The following ITPR1 variants were observed in gnomAD, a reference collection of about 807,000 sequenced individuals.
ITPR1 encodes the protein inositol 1,4,5-trisphosphate receptor type 1, also known as inositol 1,4,5-trisphosphate-gated calcium channel ITPR1.
A neutral mutation model predicts 318.4 loss-of-function variants in ITPR1; 96 were observed. The observed-to-expected ratio is 0.30, with a 90% CI of 0.26 to 0.36. The LOEUF is 0.36. Among genes scored for constraint, ITPR1 ranks in the 10% least tolerant of loss-of-function variants. The probability of loss-of-function intolerance (pLI) is 1.00; values close to 1 mark genes in which losing one functional copy is unlikely to be tolerated. For missense variants in ITPR1, 2,440 were observed against 3,460.2 expected, an observed-to-expected ratio of 0.71 and a Z score of 7.40; for synonymous variants, 1,312 against 1,289.9, an observed-to-expected ratio of 1.02 and a Z score of -0.37.
chr3:4,603,565 G>A (rs1463533155), intron 4 of ITPR1, among the ~76,000 whole-genome samples: 1 of 152,088 alleles, frequency 6.6e-6, no homozygotes, highest in Non-Finnish European at 1.5e-5. Flanking sequence ...GAGTAGCTGG[G>A]ACTACAGGGG....
In ITPR1 at chr3:4,813,253, A is replaced by G; in HGVS notation, c.7561+19A>G. 4 of 1,555,212 alleles carry G rather than the reference A, an allele frequency of 2.6e-6. No homozygotes were observed. Among genetic ancestry groups the G allele is most frequent in the Non-Finnish European group, 3.5e-6 (4 of 1,134,510 alleles). ...AGAGAAGGTAGGACCTCCTAACTGT[A>G]AGCCCCATGTTAATATCGGACTCCT... On this transcript the variant is annotated intron_variant, in intron 57 of 61. Coordinates refer to ENST00000649015, the MANE Select transcript of ITPR1 (RefSeq NM_001378452.1).
chr3:4,759,926 C>G (rs1259880050), intron 44 of ITPR1, among the ~76,000 whole-genome samples: 1 of 151,896 alleles, frequency 6.6e-6, no homozygotes, highest in Non-Finnish European at 1.5e-5. Flanking sequence ...CACTGCCTCA[C>G]CCTGCCCCTG....
chr3:4,565,145 A>G (rs2087097135), intron 4 of ITPR1, among the ~76,000 whole-genome samples: 1 of 152,136 alleles, frequency 6.6e-6, no homozygotes, highest in African/African-American at 2.4e-5. Context: ...CACCTTGTTG[A>G]TTCCTCATAA....
chr3:4,538,044 T>G (rs2084044980), intron 4 of ITPR1, among the ~76,000 whole-genome samples: 1 of 152,210 alleles, frequency 6.6e-6, no homozygotes, highest in Non-Finnish European at 1.5e-5. Flanking sequence ...TTGTTTTTAT[T>G]TTCTTCATTC....
At chr3:4,788,733 G>A (rs1015086167) in intron 52 of ITPR1, among the ~76,000 whole-genome samples, 1 of 152,194 alleles carries the variant, frequency 6.6e-6, no homozygotes, top group Admixed American at 6.5e-5. Flanking sequence ...TGTGTTCCTG[G>A]TTTTCACTGG....
chr3:4,763,458 G>A (rs6764292), intron 44 of ITPR1, among the ~76,000 whole-genome samples: 1 of 151,940 alleles, frequency 6.6e-6, no homozygotes, highest in Non-Finnish European at 1.5e-5. Flanking sequence ...TTGATACCAA[G>A]AGTAGTGTAA....
At chr3:4,800,801 A>G (rs2048179598) in intron 54 of ITPR1, among the ~76,000 whole-genome samples, 1 of 152,152 alleles carries the variant, frequency 6.6e-6, no homozygotes, top group Non-Finnish European at 1.5e-5. Flanking sequence ...GAGCCTTGTA[A>G]TGGATCCCTT....
chr3:4,692,381 T>G (rs985771629), intron 32 of ITPR1, among the ~76,000 whole-genome samples: 1 of 152,178 alleles, frequency 6.6e-6, no homozygotes, highest in African/African-American at 2.4e-5. Context: ...CTAGGCACAG[T>G]CCTAAGCAGT....
chr3:4,624,514 CA>C (rs2092753228), intron 4 of ITPR1, among the ~76,000 whole-genome samples: 1 of 151,746 alleles, frequency 6.6e-6, no homozygotes, highest in Admixed American at 6.6e-5. Context: ...ACTAAAAATA[CA>C]AAAATTAGCT....
chr3:4,703,207 C>T (rs899049270), intron 36 of ITPR1, among the ~76,000 whole-genome samples: 3 of 152,182 alleles, frequency 2.0e-5, no homozygotes, highest in Non-Finnish European at 2.9e-5. Flanking sequence ...GGTTGTTAGG[C>T]AATTCTTTGG....
intron 44 of ITPR1, among the ~76,000 whole-genome samples, chr3:4,743,855 G>A (rs2043881544): frequency 6.6e-6 from 1 of 152,212 alleles, no homozygotes; most frequent in African/African-American, 2.4e-5. Flanking sequence ...GTTTGTTTGA[G>A]ACGGAGTCTC....
At chr3:4,777,029 A>G (rs111521525) in intron 47 of ITPR1, among the ~76,000 whole-genome samples, 11 of 152,334 alleles carry the variant, frequency 7.2e-5, no homozygotes, top group African/African-American at 2.2e-4. Context: ...GACACAACCA[A>G]TTTATCAGTT....
intron 4 of ITPR1, among the ~76,000 whole-genome samples, chr3:4,533,556 A>G (rs1471822206): frequency 6.6e-6 from 1 of 152,232 alleles, no homozygotes; most frequent in African/African-American, 2.4e-5. Flanking sequence ...ATTGTGACTG[A>G]ATTTGCAATT....
intron 46 of ITPR1, among the ~76,000 whole-genome samples, chr3:4,770,043 A>G (rs1417178879): frequency 1.3e-5 from 2 of 152,124 alleles, no homozygotes; most frequent in Non-Finnish European, 2.9e-5. Context: ...CTGAACCTCT[A>G]TCTCCTTTGT....
At chr3:4,574,708 A>G (rs2088436415) in intron 4 of ITPR1, among the ~76,000 whole-genome samples, 1 of 152,178 alleles carries the variant, frequency 6.6e-6, no homozygotes, top group Non-Finnish European at 1.5e-5. Flanking sequence ...TCTACCTTAA[A>G]TGGTCTTCCA....
chr3:4,837,697 T>A (rs2051027675), intron 61 of ITPR1, among the ~76,000 whole-genome samples: 1 of 152,096 alleles, frequency 6.6e-6, no homozygotes, highest in African/African-American at 2.4e-5. Context: ...CCGTGCGTAC[T>A]CTGTTTCTGC....
intron 6 of ITPR1, among the ~76,000 whole-genome samples, chr3:4,641,421 A>G (rs1006733641): frequency 6.6e-6 from 1 of 152,200 alleles, no homozygotes; most frequent in African/African-American, 2.4e-5. Flanking sequence ...CTGTCACCCA[A>G]GCTGGAGTAC....
At chr3:4,642,013 T>C in intron 6 of ITPR1, 80 bp from the exon 7 acceptor site, 2 of 1,162,872 alleles carry the variant, frequency 1.7e-6, no homozygotes, top group African/African-American at 1.6e-5. Flanking sequence ...GTTTGCTACA[T>C]AGTTGGTATG....
chr3:4,688,497 C>G lies in ITPR1; in HGVS notation c.3705C>G (p.Ala1235=), dbSNP rs34635052. The change falls in exon 31 of 62, where the codon GCC becomes GCG. Residue 1235 remains alanine (A), a splice_region_variant and synonymous_variant. Coordinates refer to ENST00000649015, the MANE Select transcript of ITPR1 (RefSeq NM_001378452.1). ...TTCATCTGTCTCCTCCCACACAGGC[C>G]GAAGATACCAAGATGCAAGAGATAA... ...LELLQIPYEK[A]EDTKMQEIMR... is the part of the protein sequence containing the mutation. 3.0e-5 allele frequency: 49 copies of G among 1,613,700 alleles called. No homozygotes were observed. The highest frequency in any genetic ancestry group is 1.5e-4 in the Admixed American group (9 of 59,998).
Sources: allele counts gnomAD v4.1 joint callset (sites outside exome capture counted in the v4.1 genomes callset), GRCh38; gene constraint gnomAD v4.1.1; transcripts MANE v1.5; gene names NCBI Gene and HGNC (gene_info 2026-07-23, HGNC 2026-07-21).